Variants in CARMIL1 observed in about 807,000 individuals in gnomAD.
CARMIL1 encodes capping protein regulator and myosin 1 linker 1.
Under a neutral mutation model 177.1 loss-of-function variants are expected in CARMIL1, and 90 were observed. That is an observed-to-expected ratio of 0.51 (90% CI 0.43 to 0.61). The LOEUF is 0.61. Among genes scored for constraint, CARMIL1 ranks in the 20% least tolerant of loss-of-function variants. The probability of loss-of-function intolerance (pLI) is 0.00; values close to 1 mark genes in which losing one functional copy is unlikely to be tolerated. For missense variants in CARMIL1, 1,380 were observed against 1,667.0 expected, an observed-to-expected ratio of 0.83 and a Z score of 3.00; for synonymous variants, 577 against 606.2, an observed-to-expected ratio of 0.95 and a Z score of 0.71.
chr6:25,428,680 T>C (rs1379816622), intron 4 of CARMIL1, among the ~76,000 whole-genome samples: 2 of 152,212 alleles, frequency 1.3e-5, no homozygotes, highest in Non-Finnish European at 2.9e-5. Flanking sequence ...TCCATTTGTT[T>C]AGGTCTTTTT....
chr6:25,542,731 T>G (rs1446908435), intron 26 of CARMIL1, among the ~76,000 whole-genome samples: 1 of 152,190 alleles, frequency 6.6e-6, no homozygotes, highest in Non-Finnish European at 1.5e-5. Flanking sequence ...TTTTTGATAC[T>G]TATAATGGAC....
At chr6:25,423,238 A>G (rs1051369533) in intron 3 of CARMIL1, among the ~76,000 whole-genome samples, 7 of 152,242 alleles carry the variant, frequency 4.6e-5, no homozygotes, top group African/African-American at 1.4e-4. Context: ...ATTGTGAAAT[A>G]TACAACATAT....
chr6:25,619,825 T>C lies in CARMIL1; in HGVS notation c.*242T>C, dbSNP rs546085050. ...TTTGTTTGGTCTTCCTCCAACCCTT[T>C]GCATTTGATTTCTAAACATTCCTTC... On this transcript the variant is annotated 3_prime_UTR_variant, in exon 37 of 37. Coordinates refer to ENST00000329474, the MANE Select transcript of CARMIL1 (RefSeq NM_017640.6). 136 of 274,382 alleles carry C rather than the reference T, an allele frequency of 5.0e-4. No homozygotes were observed. Among genetic ancestry groups the C allele is most frequent in the Non-Finnish European group, 7.7e-4 (115 of 150,054 alleles). 17.0% of individuals were successfully genotyped at this position (274,382 alleles called of 1,614,324 possible). A position where few individuals can be genotyped will look rare whatever the true frequency, so the allele number is the denominator to read the frequency against.
At chr6:25,456,255 T>A (rs1799521556) in intron 8 of CARMIL1, among the ~76,000 whole-genome samples, 1 of 152,238 alleles carries the variant, frequency 6.6e-6, no homozygotes, top group South Asian at 2.1e-4. Context: ...ATATAGGTGC[T>A]TCATGGTAAT....
At chr6:25,518,897 A>G (rs545594273) in intron 22 of CARMIL1, among the ~76,000 whole-genome samples, 3 of 152,262 alleles carry the variant, frequency 2.0e-5, no homozygotes, top group Non-Finnish European at 2.9e-5. Context: ...CGTAAAAAAG[A>G]CATATCGTCT....
intron 36 of CARMIL1, among the ~76,000 whole-genome samples, chr6:25,610,499 G>A (rs1052106207): frequency 7.2e-5 from 11 of 152,104 alleles, no homozygotes; most frequent in Admixed American, 2.0e-4. Flanking sequence ...ATTTTATGAC[G>A]TATTTGGGGC....
chr6:25,422,865 C>CT (rs1362508535), intron 3 of CARMIL1, among the ~76,000 whole-genome samples: 1 of 152,174 alleles, frequency 6.6e-6, no homozygotes, highest in Non-Finnish European at 1.5e-5. Context: ...ATTCTGCCCC[C>CT]TCCTTGCTCT....
chr6:25,323,024 A>G (rs1422091544), intron 2 of CARMIL1, among the ~76,000 whole-genome samples: 1 of 152,138 alleles, frequency 6.6e-6, no homozygotes, highest in Non-Finnish European at 1.5e-5. Context: ...CATTTTTTCC[A>G]GGCGCACCCT....
intron 29 of CARMIL1, among the ~76,000 whole-genome samples, chr6:25,578,380 C>T (rs922257167): frequency 1.3e-4 from 19 of 151,974 alleles, no homozygotes; most frequent in Admixed American, 6.6e-4. Context: ...GAGGAAGGAG[C>T]GCAAATAAAC....
chr6:25,447,917 C>T (rs957228635), intron 5 of CARMIL1, among the ~76,000 whole-genome samples: 2 of 152,018 alleles, frequency 1.3e-5, no homozygotes, highest in African/African-American at 4.8e-5. Context: ...TCCTCTGCTC[C>T]TTCTGTCCAC....
chr6:25,381,830 T>A (rs1044445856), intron 2 of CARMIL1, among the ~76,000 whole-genome samples: 8 of 152,164 alleles, frequency 5.3e-5, no homozygotes, highest in African/African-American at 1.9e-4. Flanking sequence ...CATTGGTGAT[T>A]AGTTCAATCT....
At chr6:25,607,974 C>CTT in intron 35 of CARMIL1, among the ~76,000 whole-genome samples, 1 of 152,116 alleles carries the variant, frequency 6.6e-6, no homozygotes, top group Non-Finnish European at 1.5e-5. Context: ...ATTTCTTGGT[C>CTT]CATACACAAT....
rs529644365 is a variant in CARMIL1 at position 25,586,777 on chromosome 6, AC to A, written c.3006+5342del. On this transcript the variant is annotated intron_variant, in intron 31 of 36. Coordinates refer to ENST00000329474, the MANE Select transcript of CARMIL1 (RefSeq NM_017640.6). ...AGACCAGCCCGGCCAACACGGCGAA[AC>A]CCCGTCTCCACCAAAAAATACAAAA... 7.0e-3 allele frequency among the ~76,000 whole-genome samples: 1,062 copies of A among 152,016 alleles called. 13 individuals are homozygous for A. Among genetic ancestry groups the A allele is most frequent in the African/African-American group, 0.024 (1,014 of 41,476 alleles).
Position 25,449,909 on chromosome 6 carries a change from A to G in CARMIL1, c.383A>G (p.Lys128Arg), listed in dbSNP as rs748677372. 9 of 1,604,388 alleles carry G rather than the reference A, an allele frequency of 5.6e-6. No individual in the cohort carries two copies. Among genetic ancestry groups the G allele is most frequent in the Non-Finnish European group, 7.7e-6 (9 of 1,174,270 alleles). Residue 128 changes from lysine to arginine, a missense_variant, in exon 6 of 37, where the codon AAA (lysine) becomes AGA (arginine). Coordinates refer to ENST00000329474, the MANE Select transcript of CARMIL1 (RefSeq NM_017640.6). ...TGTTGATCTTACAGGAGAATCATGA[A>G]AAAAGTCTCCATGGAGCCATCTGAG... The part of the protein sequence containing the change: ...FPGLSPVRIM[K>R]KVSMEPSERL...
intron 25 of CARMIL1, 117 bp downstream of exon 25, chr6:25,538,100 G>T: frequency 1.8e-6 from 2 of 1,138,044 alleles, no homozygotes; most frequent in Non-Finnish European, 1.2e-6. Flanking sequence ...TTACTAACAA[G>T]TGGCAAAGTG....
intron 32 of CARMIL1, among the ~76,000 whole-genome samples, chr6:25,596,555 T>C (rs746689960): frequency 2.0e-5 from 3 of 152,228 alleles, no homozygotes; most frequent in African/African-American, 7.2e-5. Context: ...TTTTCTGTTT[T>C]CTGTGTTTCA....
At chr6:25,412,248 A>T (rs970759549) in intron 2 of CARMIL1, among the ~76,000 whole-genome samples, 1 of 152,234 alleles carries the variant, frequency 6.6e-6, no homozygotes, top group Non-Finnish European at 1.5e-5. Context: ...AACCCTCATC[A>T]TTCCATGAAG....
intron 4 of CARMIL1, among the ~76,000 whole-genome samples, chr6:25,433,514 T>C (rs1796986651): frequency 6.6e-6 from 1 of 152,202 alleles, no homozygotes; most frequent in Non-Finnish European, 1.5e-5. Context: ...GATTTAGTCT[T>C]ACTTAAAACA....
At chr6:25,450,525 C>A in intron 7 of CARMIL1, 113 bp from the exon 8 acceptor site, 2 of 1,109,010 alleles carry the variant, frequency 1.8e-6, no homozygotes, top group Non-Finnish European at 2.7e-6. Context: ...AAAATCTTCA[C>A]TTCTCAGATT....
Sources: gnomAD v4.1 joint callset for allele counts (sites outside exome capture counted in the v4.1 genomes callset) on GRCh38, gnomAD v4.1.1 for gene constraint, MANE v1.5 for transcripts, NCBI Gene and HGNC (gene_info 2026-07-23, HGNC 2026-07-21) for gene names.